Variants in TJP2 observed in about 807,000 individuals in gnomAD.
TJP2 encodes Friedreich ataxia region gene X104 (tight junction protein ZO-2).
Under a neutral mutation model 133.1 loss-of-function variants are expected in TJP2, and 91 were observed. The observed-to-expected ratio is 0.68, with a 90% CI of 0.58 to 0.81. The LOEUF (loss-of-function observed/expected upper bound fraction) is 0.81. TJP2 is among the 40% of genes least tolerant of loss of function. TJP2 has a pLI of 0.00. For synonymous variants in TJP2, 592 were observed against 583.4 expected, an observed-to-expected ratio of 1.01 and a Z score of -0.21; for missense variants, 1,541 against 1,565.6, an observed-to-expected ratio of 0.98 and a Z score of 0.26.
chr9:69,214,981 C>G (rs1428263602), intron 2 of TJP2, among the ~76,000 whole-genome samples: 2 of 152,060 alleles, frequency 1.3e-5, no homozygotes, highest in East Asian at 1.9e-4. Context: ...TAATTTTAGG[C>G]AGACATAAGA....
intron 16 of TJP2, among the ~76,000 whole-genome samples, chr9:69,239,080 TC>T (rs1192841876): frequency 6.6e-6 from 1 of 152,110 alleles, no homozygotes; most frequent in African/African-American, 2.4e-5. Flanking sequence ...TCCCAGCCAC[TC>T]AGGAGGCTGA....
intron 1 of TJP2, among the ~76,000 whole-genome samples, chr9:69,181,833 A>C (rs1825533881): frequency 6.6e-6 from 1 of 152,168 alleles, no homozygotes. Flanking sequence ...TTTGCTCATA[A>C]AGTGATGGAA....
chr9:69,239,785 G>A lies in TJP2; in HGVS notation c.2356-152G>A, dbSNP rs186528175. 1.6e-3 allele frequency: 1,300 copies of A among 788,162 alleles called. 3 individuals carry two copies. The highest frequency in any genetic ancestry group is 8.3e-3 in the Middle Eastern group (25 of 3,018). The allele number at this position is 788,162 out of a possible 1,614,324, so 48.8% of individuals were successfully genotyped here. A position where few individuals can be genotyped will look rare whatever the true frequency, so the allele number is the denominator to read the frequency against. On this transcript the variant is annotated intron_variant, in intron 16 of 22. Coordinates refer to ENST00000377245, the MANE Select transcript of TJP2 (RefSeq NM_004817.4). ...GCCAAGTTTGTGCCACTGCACTCCA[G>A]CCTGGGCAACAGAGCAAGAATCTAT...
At chr9:69,207,073 A>G (rs2133169090) in intron 1 of TJP2, among the ~76,000 whole-genome samples, 1 of 152,118 alleles carries the variant, frequency 6.6e-6, no homozygotes, top group East Asian at 1.9e-4. Context: ...CCTCATCCTG[A>G]ATGTTATGTT....
At chr9:69,160,203 G>C (rs759705092) in intron 2 of TJP2, among the ~76,000 whole-genome samples, 19 of 152,040 alleles carry the variant, frequency 1.2e-4, no homozygotes, top group Non-Finnish European at 1.8e-4. Context: ...AAATAAACCT[G>C]GATTGACTTG....
At chr9:69,185,268 G>T (rs1356735048) in intron 1 of TJP2, among the ~76,000 whole-genome samples, 1 of 151,942 alleles carries the variant, frequency 6.6e-6, no homozygotes, top group African/African-American at 2.4e-5. Flanking sequence ...CACCATGTTG[G>T]CCAGGCTGGT....
intron 17 of TJP2, 36 bp downstream of exon 17, chr9:69,240,183 A>C: frequency 6.4e-7 from 1 of 1,561,368 alleles, no homozygotes; most frequent in Non-Finnish European, 8.8e-7. Context: ...TTTGCTAAAA[A>C]ATGAGAAATA....
chr9:69,243,470 A>C (rs1414830855), intron 17 of TJP2, among the ~76,000 whole-genome samples: 1 of 152,254 alleles, frequency 6.6e-6, no homozygotes, highest in Non-Finnish European at 1.5e-5. Flanking sequence ...TGTCATAATA[A>C]GTTTAAGTGT....
intron 4 of TJP2, among the ~76,000 whole-genome samples, chr9:69,219,338 G>C (rs1342484858): frequency 1.3e-5 from 2 of 152,164 alleles, no homozygotes; most frequent in Non-Finnish European, 1.5e-5. Flanking sequence ...AAAGTTGAAA[G>C]ATCAGTGTAA....
chr9:69,183,209 C>T (rs1466939278), intron 1 of TJP2, among the ~76,000 whole-genome samples: 2 of 152,142 alleles, frequency 1.3e-5, no homozygotes, highest in African/African-American at 4.8e-5. Context: ...TTTGTAAACA[C>T]CATCACTCTC....
At chr9:69,159,104 A>C (rs558318860) in intron 2 of TJP2, among the ~76,000 whole-genome samples, 42 of 152,128 alleles carry the variant, frequency 2.8e-4, no homozygotes, top group Admixed American at 2.3e-3. Flanking sequence ...CAGGAGTTCG[A>C]GACCAACCTG....
rs761747980 is a variant in TJP2 at position 69,230,121 on chromosome 9, C to T, written c.1560C>T (p.Ser520=). Residue 520 remains serine (S), a synonymous_variant, in exon 11 of 23, where the codon AGC becomes AGT. Transcript: ENST00000377245. ...TKMVRFKKGD[S]VGLRLAGGND... The stretch of plus-strand genomic sequence containing the variant: ...TGGTAAGGTTCAAGAAGGGAGACAG[C>T]GTGGGCCTCCGGTTGGCTGGTGGCA... 8 of 1,614,124 alleles carry T rather than the reference C, an allele frequency of 5.0e-6. No homozygotes were observed. The highest frequency in any genetic ancestry group is 4.5e-5 in the East Asian group (2 of 44,882).
At chr9:69,174,694 C>G (rs536084693) in intron 1 of TJP2, among the ~76,000 whole-genome samples, 3 of 152,316 alleles carry the variant, frequency 2.0e-5, no homozygotes, top group South Asian at 2.1e-4. Flanking sequence ...GGGACACTGT[C>G]TTGAACCCGG....
chr9:69,239,843 A>G (rs943254818), intron 16 of TJP2, 94 bp from the exon 17 acceptor site: 2 of 1,016,042 alleles, frequency 2.0e-6, no homozygotes, highest in African/African-American at 3.2e-5. Flanking sequence ...CAAACAAGAT[A>G]TATCTCATAC....
intron 2 of TJP2, among the ~76,000 whole-genome samples, chr9:69,159,187 C>T (rs997367297): frequency 2.2e-4 from 33 of 151,946 alleles, no homozygotes; most frequent in African/African-American, 7.7e-4. Context: ...TGGTGGCGGG[C>T]GCCTGTAATC....
chr9:69,244,351 T>G (rs1174304928), intron 17 of TJP2, among the ~76,000 whole-genome samples: 1 of 152,020 alleles, frequency 6.6e-6, no homozygotes, highest in Admixed American at 6.6e-5. Context: ...CCCTAAACCC[T>G]CTAGTCTTAG....
At chr9:69,155,364 C>T (rs1236235136) in intron 2 of TJP2, among the ~76,000 whole-genome samples, 6 of 152,146 alleles carry the variant, frequency 3.9e-5, no homozygotes, top group African/African-American at 1.2e-4. Context: ...CCTCGGTTTA[C>T]AGGAATTCTC....
chr9:69,246,623 C>T (rs1342839052), intron 17 of TJP2, 67 bp from the exon 18 acceptor site: 1 of 1,348,830 alleles, frequency 7.4e-7, no homozygotes, highest in African/African-American at 1.4e-5. Context: ...TAAATTATGT[C>T]AAATAGCATC....
At chr9:69,146,313 G>A (rs1178656199) in intron 1 of TJP2, among the ~76,000 whole-genome samples, 1 of 152,146 alleles carries the variant, frequency 6.6e-6, no homozygotes, top group Non-Finnish European at 1.5e-5. Context: ...AGGTTGAGAA[G>A]TTCTTTATGC....
Sources: allele counts gnomAD v4.1 joint callset (sites outside exome capture counted in the v4.1 genomes callset), GRCh38; gene constraint gnomAD v4.1.1; transcripts MANE v1.5; gene names NCBI Gene and HGNC (gene_info 2026-07-23, HGNC 2026-07-21).